CPS1: variants seen among roughly 807,000 people sequenced by gnomAD.
CPS1 encodes the protein carbamoyl-phosphate synthase 1.
In CPS1, 109 loss-of-function variants were observed where a neutral mutation model predicts 174.6. The observed-to-expected ratio is 0.62, with a 90% CI of 0.53 to 0.73. The LOEUF (loss-of-function observed/expected upper bound fraction) is 0.73. CPS1 is among the 30% of genes least tolerant of loss of function. The probability of loss-of-function intolerance (pLI) is 0.00; values close to 1 mark genes in which losing one functional copy is unlikely to be tolerated. For synonymous variants in CPS1, 637 were observed against 632.0 expected, an observed-to-expected ratio of 1.01 and a Z score of -0.12; for missense variants, 1,689 against 1,821.9, an observed-to-expected ratio of 0.93 and a Z score of 1.33.
At position 210,594,557 on chromosome 2, in the gene CPS1, C is replaced by G; in HGVS notation, c.1214C>G (p.Thr405Ser). Residue 405 changes from threonine (T) to serine (S), a missense_variant, in exon 12 of 38, where the codon ACC (threonine) becomes AGC (serine). Physicochemically the swap from Thr to Ser is moderately conservative, Grantham distance 58 (BLOSUM62 1). Transcript: ENST00000233072. Reference sequence around the variant, plus strand: ...CTGATAAAGAAAGGAAAAGCTACCACCATTACATCAGTCTTACCGAAGCCA... The same window carrying G: ...CTGATAAAGAAAGGAAAAGCTACCAGCATTACATCAGTCTTACCGAAGCCA... Reference protein sequence around the residue: ...FSLIKKGKATTITSVLPKPAL... With the variant: ...FSLIKKGKATSITSVLPKPAL... 1 of 1,611,362 alleles carries G rather than the reference C, an allele frequency of 6.2e-7. No individual in the cohort carries two copies. The highest frequency in any genetic ancestry group is 8.5e-7 in the Non-Finnish European group (1 of 1,178,318).
chr2:210,577,503 A>T lies in CPS1; in HGVS notation c.464A>T (p.Glu155Val). The change falls in exon 4 of 38, where the codon GAA becomes GTA. Residue 155 changes from glutamate (E) to valine (V), a missense_variant. Transcript: ENST00000233072. ...AAGAGTTTAGGGCAATGGCTACAGG[A>T]AGAAAAGGTAAGAAATGTAATAGGG... Reference protein sequence around the residue: ...ATKSLGQWLQEEKVPAIYGVD... With the variant: ...ATKSLGQWLQVEKVPAIYGVD... 6.2e-7 allele frequency: 1 copy of T among 1,611,338 alleles called. No homozygotes were observed. The highest frequency in any genetic ancestry group is 8.5e-7 in the Non-Finnish European group (1 of 1,177,584).
chr2:210,666,729 G>C (rs1022034862), intron 33 of CPS1, among the ~76,000 whole-genome samples: 29 of 152,156 alleles, frequency 1.9e-4, no homozygotes, highest in African/African-American at 6.8e-4. Context: ...GGTTACTGTA[G>C]TCTTATAGTG....
intron 24 of CPS1, among the ~76,000 whole-genome samples, chr2:210,641,461 G>T (rs1700222140): frequency 6.6e-6 from 1 of 151,962 alleles, no homozygotes; most frequent in Admixed American, 6.6e-5. Flanking sequence ...ATTCATGAGG[G>T]ATCTGCACTT....
chr2:210,499,156 T>C (rs2105960646), intron 1 of CPS1, among the ~76,000 whole-genome samples: 1 of 152,220 alleles, frequency 6.6e-6, no homozygotes, highest in Non-Finnish European at 1.5e-5. Context: ...GGCCCTGCTG[T>C]ACCATGATCT....
At chr2:210,529,306 C>A (rs1696057942) in intron 1 of CPS1, among the ~76,000 whole-genome samples, 1 of 151,848 alleles carries the variant, frequency 6.6e-6, no homozygotes, top group Non-Finnish European at 1.5e-5. Context: ...ACCAGAGAAC[C>A]AAGAATAATT....
At chr2:210,553,812 T>C (rs1696791866), upstream of CPS1, among the ~76,000 whole-genome samples, 1 of 152,020 alleles carries the variant, frequency 6.6e-6, no homozygotes, top group Non-Finnish European at 1.5e-5. Flanking sequence ...ACTCCTTTGA[T>C]CTATCCTAAT....
In CPS1 at chr2:210,591,847, G is replaced by A. The variant is rs1274668236; in HGVS notation, c.964G>A (p.Val322Ile). Reference sequence around the variant, plus strand: ...TCTCTCCAGAGGGCAGAATCAGCCTGTTTTGAATATCACAAACAAACAGGC... The same window carrying A: ...TCTCTCCAGAGGGCAGAATCAGCCTATTTTGAATATCACAAACAAACAGGC... ...SMANRGQNQP[V>I]LNITNKQAFI... The change falls in exon 10 of 38, where the codon GTT (valine) becomes ATT (isoleucine). Residue 322 changes from valine to isoleucine, a missense_variant. Transcript: ENST00000233072. 1 of 1,612,338 alleles carries A rather than the reference G, an allele frequency of 6.2e-7. No homozygotes were observed. The highest frequency in any genetic ancestry group is 1.3e-5 in the African/African-American group (1 of 74,882).
intron 1 of CPS1, among the ~76,000 whole-genome samples, chr2:210,523,580 A>G (rs764648320): frequency 2.6e-5 from 4 of 151,870 alleles, no homozygotes; most frequent in Non-Finnish European, 5.9e-5. Flanking sequence ...CCATTTGTCA[A>G]TGAGGACATG....
chr2:210,602,012 T>G (rs974719248), intron 15 of CPS1, among the ~76,000 whole-genome samples, 190 bp from the exon 16 acceptor site: 2 of 151,874 alleles, frequency 1.3e-5, no homozygotes, highest in Non-Finnish European at 2.9e-5. Flanking sequence ...ATATCCTCCC[T>G]TCTAGAATTT....
intron 21 of CPS1, 131 bp downstream of exon 21, chr2:210,616,672 T>C: frequency 1.4e-6 from 1 of 734,680 alleles, no homozygotes; most frequent in Non-Finnish European, 2.5e-6. Context: ...TGGAAAATAG[T>C]ACCCGTAGCC....
chr2:210,670,042 GA>G (rs1037197931), intron 34 of CPS1, among the ~76,000 whole-genome samples: 26 of 151,596 alleles, frequency 1.7e-4, no homozygotes, highest in African/African-American at 6.1e-4. Flanking sequence ...CTTTGTAGGG[GA>G]AAAAAGGGTT....
intron 29 of CPS1, among the ~76,000 whole-genome samples, chr2:210,655,475 A>T (rs140795799): frequency 2.0e-5 from 3 of 152,308 alleles, no homozygotes; most frequent in African/African-American, 7.2e-5. Context: ...AGAAATGGAC[A>T]TAGAACTGCA....
chr2:210,608,292 A>G (rs1574586106), intron 18 of CPS1, 69 bp from the exon 19 acceptor site: 1 of 1,454,712 alleles, frequency 6.9e-7, no homozygotes, highest in Non-Finnish European at 9.6e-7. Context: ...AAGAAAGACC[A>G]ATTTATGTTT....
chr2:210,617,423 G>C (rs1699348236), intron 21 of CPS1: 1 of 152,016 alleles, frequency 6.6e-6, no homozygotes. Context: ...GTTCTCAAAT[G>C]ATTTGACAAA....
intron 1 of CPS1, among the ~76,000 whole-genome samples, chr2:210,548,943 T>C (rs1306079951): frequency 6.6e-6 from 1 of 152,070 alleles, no homozygotes; most frequent in South Asian, 2.1e-4. Flanking sequence ...CCGCTGAAAA[T>C]AGGAGGCCAT....
intron 1 of CPS1, among the ~76,000 whole-genome samples, chr2:210,543,907 A>G (rs188565567): frequency 3.4e-4 from 52 of 152,240 alleles, no homozygotes; most frequent in Non-Finnish European, 6.3e-4. Context: ...CCCTCCCGCA[A>G]GTTATTCCTT....
At chr2:210,536,513 C>T (rs1275638358) in intron 1 of CPS1, among the ~76,000 whole-genome samples, 2 of 151,900 alleles carry the variant, frequency 1.3e-5, no homozygotes, top group South Asian at 2.1e-4. Flanking sequence ...TTAGTAGAGA[C>T]GACAGGGTTT....
At chr2:210,623,773 G>A (rs1324655383) in intron 21 of CPS1, among the ~76,000 whole-genome samples, 1 of 152,112 alleles carries the variant, frequency 6.6e-6, no homozygotes, top group African/African-American at 2.4e-5. Context: ...CCCTTTGAAT[G>A]TCCTCTCCTA....
At chr2:210,593,065 C>A in intron 11 of CPS1, 109 bp downstream of exon 11, 1 of 959,216 alleles carries the variant, frequency 1.0e-6, no homozygotes, top group Non-Finnish European at 1.7e-6. Flanking sequence ...AGAACATTCT[C>A]AAGAAGAGTG....
Sources: gnomAD v4.1 joint callset for allele counts (sites outside exome capture counted in the v4.1 genomes callset) on GRCh38, gnomAD v4.1.1 for gene constraint, MANE v1.5 for transcripts, NCBI Gene and HGNC (gene_info 2026-07-23, HGNC 2026-07-21) for gene names.